Variants in SPART observed in about 807,000 individuals in gnomAD.
SPART encodes spartin.
SPART carries 35 observed loss-of-function variants against 58.7 expected under a neutral mutation model. The observed-to-expected ratio is 0.60, with a 90% CI of 0.46 to 0.79. The LOEUF is 0.79. Ranked by LOEUF, SPART falls within the 30% of genes least tolerant of loss-of-function variation. The pLI is 0.00. For missense variants in SPART, 730 were observed against 786.1 expected (o/e 0.93, Z 0.85); for synonymous variants, 284 against 280.7 (o/e 1.01, Z -0.12).
At chr13:36,356,238 TGCTG>T (rs1885616909) in intron 1 of SPART, among the ~76,000 whole-genome samples, 1 of 152,222 alleles carries the variant, frequency 6.6e-6, no homozygotes, top group Non-Finnish European at 1.5e-5. Context: ...ATACGAGTCT[TGCTG>T]GCGAGTCTCG....
intron 3 of SPART, 45 bp downstream of exon 3, chr13:36,331,349 CTTATG>C: frequency 6.7e-7 from 1 of 1,495,778 alleles, no homozygotes; most frequent in South Asian, 1.1e-5. Flanking sequence ...AGCTGAAGTG[CTTATG>C]TTAAAGTAGA....
At position 36,326,337 on chromosome 13, in the gene SPART, T is replaced by G. The variant is rs373532510; in HGVS notation, c.1288+238A>C. ...TAAGAATTTGAAGATTCCTGAAGCT[T>G]TTCACTATCCATTTTCCCAATAGTA... is the stretch of plus-strand genomic sequence containing the variant. On this transcript the variant is annotated intron_variant, in intron 5 of 8. Coordinates refer to ENST00000438666, the MANE Select transcript of SPART (RefSeq NM_015087.5). The G allele has an allele frequency of 1.6e-4, 83 of 508,340 alleles. 1 individual carries two copies. The East Asian group carries it at 3.0e-3, about 18-fold the overall frequency. 31.5% of individuals were successfully genotyped at this position (508,340 alleles called of 1,614,324 possible).
intron 1 of SPART, among the ~76,000 whole-genome samples, chr13:36,353,523 G>C (rs1243999047): frequency 6.6e-6 from 1 of 152,138 alleles, no homozygotes; most frequent in African/African-American, 2.4e-5. Flanking sequence ...GAGACATCTC[G>C]GTAAAAGGGT....
chr13:36,326,776 T>C (rs527587699), intron 4 of SPART, 78 bp from the exon 5 acceptor site: 2 of 1,490,168 alleles, frequency 1.3e-6, no homozygotes, highest in East Asian at 2.3e-5. Context: ...ATAACAAATA[T>C]GAAGCCAACA....
chr13:36,330,340 T>C (rs1883340951), intron 3 of SPART, among the ~76,000 whole-genome samples: 1 of 152,062 alleles, frequency 6.6e-6, no homozygotes. Context: ...ATGTATTTTG[T>C]TAAATAATTG....
upstream of SPART, chr13:36,346,896 A>T (rs1035651614): frequency 6.6e-6 from 1 of 152,222 alleles, no homozygotes; most frequent in Non-Finnish European, 1.5e-5. Context: ...TTATCCCCTC[A>T]ATGTCTCTGC....
chr13:36,360,611 A>C (rs1379908027), intron 1 of SPART: 1 of 152,620 alleles, frequency 6.6e-6, no homozygotes, highest in African/African-American at 2.4e-5. Context: ...AACTCATTTC[A>C]TTCTCATAAC....
At chr13:36,344,512 A>G (rs1884875974) in intron 1 of SPART, among the ~76,000 whole-genome samples, 1 of 152,204 alleles carries the variant, frequency 6.6e-6, no homozygotes, top group Non-Finnish European at 1.5e-5. Context: ...GGTTATATAT[A>G]AGTCTAATGG....
intron 1 of SPART, among the ~76,000 whole-genome samples, 168 bp from the exon 2 acceptor site, chr13:36,336,000 A>G (rs568589971): frequency 2.6e-5 from 4 of 152,376 alleles, no homozygotes; most frequent in Admixed American, 2.0e-4. Flanking sequence ...TAAAGAAAGC[A>G]CTTAACATGT....
intron 1 of SPART, among the ~76,000 whole-genome samples, chr13:36,341,812 C>A (rs1884614240): frequency 6.6e-6 from 1 of 152,160 alleles, no homozygotes; most frequent in African/African-American, 2.4e-5. Context: ...TTAGAAAATA[C>A]CATATACAAT....
At chr13:36,337,071 T>C (rs745964957) in intron 1 of SPART, among the ~76,000 whole-genome samples, 1 of 152,232 alleles carries the variant, frequency 6.6e-6, no homozygotes, top group Non-Finnish European at 1.5e-5. Flanking sequence ...ATCTGAGTGA[T>C]GACTACAAGG....
rs1004847951 is a variant in SPART, at chr13:36,302,336, T to G, written c.*2029A>C. On this transcript the variant is annotated 3_prime_UTR_variant, in exon 9 of 9. Transcript: ENST00000438666. ...TGGGAAAAGTCCATTTTCTATAGAC[T>G]AAGGCAGCACACTTTTTCTGCAAAG... is the stretch of plus-strand genomic sequence containing the variant. 5.9e-5 allele frequency: 9 copies of G among 152,200 alleles called. No homozygotes were observed. Among genetic ancestry groups the G allele is most frequent in the African/African-American group, 2.2e-4 (9 of 41,448 alleles). 9.4% of individuals were successfully genotyped at this position (152,200 alleles called of 1,614,324 possible).
chr13:36,345,629 C>CA (rs1221743724), intron 1 of SPART: 1 of 152,234 alleles, frequency 6.6e-6, no homozygotes, highest in East Asian at 1.9e-4. Flanking sequence ...CGAAACTGCG[C>CA]ATTCCAAGAG....
intron 1 of SPART, among the ~76,000 whole-genome samples, chr13:36,363,179 AG>A (rs1233051551): frequency 1.3e-5 from 2 of 152,266 alleles, no homozygotes; most frequent in Admixed American, 1.3e-4. Context: ...CTGTGAGAAC[AG>A]GATCAGTCTA....
At chr13:36,338,578 C>T (rs1182766810) in intron 1 of SPART, among the ~76,000 whole-genome samples, 1 of 152,140 alleles carries the variant, frequency 6.6e-6, no homozygotes, top group African/African-American at 2.4e-5. Flanking sequence ...GCAATCAGGA[C>T]GCTGTTTCTC....
intron 1 of SPART, among the ~76,000 whole-genome samples, chr13:36,356,297 G>C (rs1350793008): frequency 6.6e-6 from 1 of 152,236 alleles, no homozygotes; most frequent in Non-Finnish European, 1.5e-5. Flanking sequence ...CTTGGAGTCT[G>C]TAAGCAGCCT....
intron 1 of SPART, chr13:36,365,945 A>C (rs942221733): frequency 5.4e-6 from 1 of 183,732 alleles, no homozygotes; most frequent in African/African-American, 2.4e-5. Context: ...TCCCACAGCC[A>C]CCACCGCTCT....
chr13:36,360,564 G>A (rs1011241881), intron 1 of SPART: 2 of 152,588 alleles, frequency 1.3e-5, no homozygotes, highest in Non-Finnish European at 2.9e-5. Context: ...CGTCTCCCAA[G>A]TACCAGGCAT....
intron 5 of SPART, among the ~76,000 whole-genome samples, chr13:36,319,220 C>T (rs989475615): frequency 6.9e-6 from 1 of 145,352 alleles, no homozygotes; most frequent in South Asian, 2.3e-4. Flanking sequence ...GAGACACTAA[C>T]TAAATTATCT....
Sources: allele counts gnomAD v4.1 joint callset (sites outside exome capture counted in the v4.1 genomes callset), GRCh38; gene constraint gnomAD v4.1.1; transcripts MANE v1.5; gene names NCBI Gene and HGNC (gene_info 2026-07-23, HGNC 2026-07-21).